Variants in FGF14 observed in about 807,000 individuals in gnomAD.
FGF14 encodes fibroblast growth factor homologous factor 4.
Under a neutral mutation model 25.5 loss-of-function variants are expected in FGF14, and 5 were observed. The ratio of observed to expected loss-of-function variants is 0.20; its 90% confidence interval spans 0.10 to 0.41. FGF14 has a LOEUF of 0.41. Among genes scored for constraint, FGF14 ranks in the 10% least tolerant of loss-of-function variants. The pLI, the probability that FGF14 is intolerant of heterozygous loss-of-function variation, is 1.00. For synonymous variants in FGF14, 138 were observed against 118.3 expected, an observed-to-expected ratio of 1.17 and a Z score of -1.08; for missense variants, 222 against 320.1, an observed-to-expected ratio of 0.69 and a Z score of 2.34.
chr13:102,079,982 G>T lies in FGF14; in HGVS notation c.209-204686C>A, dbSNP rs549492894. Among the ~76,000 whole-genome samples, 3 of 152,292 alleles carry T rather than the reference G, an allele frequency of 2.0e-5. No homozygotes were observed. The East Asian group carries it at 5.8e-4, about 29-fold the overall frequency. Reference sequence around the variant, plus strand: ...GAGACATGGCCAGTAGACTGTAATAGCTGGAGCAGAGTGAGCAAGAGGAAG... The same window carrying T: ...GAGACATGGCCAGTAGACTGTAATATCTGGAGCAGAGTGAGCAAGAGGAAG... On this transcript the variant is annotated intron_variant, in intron 1 of 4. Transcript: ENST00000376131.
intron 1 of FGF14, among the ~76,000 whole-genome samples, chr13:101,996,318 T>C (rs974734538): frequency 2.0e-5 from 3 of 152,096 alleles, no homozygotes; most frequent in African/African-American, 7.2e-5. Context: ...GTGTTGAGCA[T>C]TGTGTTGATG....
intron 1 of FGF14, among the ~76,000 whole-genome samples, chr13:101,980,820 T>C (rs1163081124): frequency 6.6e-6 from 1 of 152,190 alleles, no homozygotes; most frequent in East Asian, 1.9e-4. Context: ...CCAGGTATTA[T>C]GGTCTGAGTT....
At chr13:101,985,401 T>C (rs1388215293) in intron 1 of FGF14, among the ~76,000 whole-genome samples, 1 of 151,994 alleles carries the variant, frequency 6.6e-6, no homozygotes, top group African/African-American at 2.4e-5. Context: ...CTACTAAAAA[T>C]AAAAAAACAT....
rs1486182411 is a variant in FGF14 at position 101,887,647 on chromosome 13, G to A, written c.194-12351C>T. Among the ~76,000 whole-genome samples the A allele has an allele frequency of 2.0e-5, 3 of 152,090 alleles. No homozygotes were observed. The East Asian group carries it at 5.8e-4, about 29-fold the overall frequency. On this transcript the variant is annotated intron_variant, in intron 1 of 4. Transcript: ENST00000376143. ...GGCACAAAAATACAGTTAAATAGAA[G>A]GAATAAGGTCCAGTATTTGATAGCA...
At position 101,901,055 on chromosome 13, in the gene FGF14, G is replaced by A. The variant is rs1594658106; in HGVS notation, c.193+15398C>T. On this transcript the variant is annotated intron_variant, in intron 1 of 4. Transcript: ENST00000376143. ...AAAATAAAAGAAATGCCTTTTAGAG[G>A]AGAAATAAAAGCTAGGAATGGACAG... Among the ~76,000 whole-genome samples the A allele has an allele frequency of 2.0e-5, 3 of 152,202 alleles. No homozygotes were observed. In the South Asian group the frequency reaches 6.2e-4, roughly 32 times the overall value.
rs1244106390 is a variant in FGF14 at position 102,216,473 on chromosome 13, G to A, written c.208+184998C>T. ...ACATCACGCGGTATTCTAAGTAATG[G>A]AGATAAAACATTTTAACAATAGTAA... On this transcript the variant is annotated intron_variant, in intron 1 of 4. Transcript: ENST00000376131. Among the ~76,000 whole-genome samples the A allele has an allele frequency of 2.0e-5, 3 of 152,162 alleles. No individual in the cohort carries two copies. In the East Asian group the frequency reaches 5.8e-4, roughly 29 times the overall value.
intron 1 of FGF14, among the ~76,000 whole-genome samples, chr13:102,167,643 CA>C (rs1328095724): frequency 5.3e-5 from 8 of 151,988 alleles, no homozygotes; most frequent in Non-Finnish European, 1.0e-4. Context: ...GAATAGTTGG[CA>C]AATAGGAAGT....
rs558789708 is a variant in FGF14, at chr13:101,895,052, A to G, written c.194-19756T>C. 4.6e-5 allele frequency among the ~76,000 whole-genome samples: 7 copies of G among 152,276 alleles called. 1 individual carries two copies. In the South Asian group the frequency reaches 1.5e-3, roughly 32 times the overall value. On this transcript the variant is annotated intron_variant, in intron 1 of 4. Coordinates refer to ENST00000376143, the MANE Select transcript of FGF14 (RefSeq NM_004115.4). ...TCATTAAATCTGGAACTCTTAAATT[A>G]TTTGCTGAATATATCCTCAGTAATT...
intron 1 of FGF14, among the ~76,000 whole-genome samples, chr13:102,159,426 A>T (rs1271572259): frequency 6.6e-6 from 1 of 152,200 alleles, no homozygotes; most frequent in Admixed American, 6.5e-5. Flanking sequence ...AAAGTGGAAG[A>T]CAGATGATAG....
chr13:102,126,876 G>C (rs138801765), intron 1 of FGF14, among the ~76,000 whole-genome samples: 1 of 152,290 alleles, frequency 6.6e-6, no homozygotes, highest in Non-Finnish European at 1.5e-5. Context: ...TCTGGTGGTA[G>C]ACGGGATTGG....
At chr13:102,005,496 T>C (rs973579525) in intron 1 of FGF14, among the ~76,000 whole-genome samples, 2 of 152,330 alleles carry the variant, frequency 1.3e-5, no homozygotes, top group South Asian at 4.1e-4. Context: ...CAATATGCTA[T>C]GTATGTTTTT....
chr13:101,991,536 T>C (rs1407729399), intron 1 of FGF14, among the ~76,000 whole-genome samples: 1 of 152,104 alleles, frequency 6.6e-6, no homozygotes, highest in African/African-American at 2.4e-5. Context: ...GTCACTCCCA[T>C]TCTCGTAACA....
At chr13:102,139,598 G>C (rs189029928) in intron 1 of FGF14, among the ~76,000 whole-genome samples, 138 of 152,170 alleles carry the variant, frequency 9.1e-4, no homozygotes, top group Middle Eastern at 3.4e-3. Context: ...TGCTGTGGAG[G>C]GGGGGATGGC....
chr13:101,816,187 A>G lies in FGF14; in HGVS notation c.408+52538T>C, dbSNP rs375615264. 6.8e-4 allele frequency among the ~76,000 whole-genome samples: 101 copies of G among 149,498 alleles called. 1 individual carries two copies. The highest frequency in any genetic ancestry group is 1.9e-3 in the African/African-American group (78 of 40,212). On this transcript the variant is annotated intron_variant, in intron 3 of 4. Transcript: ENST00000376143. Reference sequence around the variant, plus strand: ...TGGGAGGCTGAGGCAGCAGAATGGCATGAACCTGGGAGGCGGAGCTTGCAG... The same window carrying G: ...TGGGAGGCTGAGGCAGCAGAATGGCGTGAACCTGGGAGGCGGAGCTTGCAG...
chr13:101,893,787 C>T (rs544680860), intron 1 of FGF14, among the ~76,000 whole-genome samples: 5 of 152,172 alleles, frequency 3.3e-5, no homozygotes, highest in East Asian at 1.9e-4. Flanking sequence ...GCGAGATCCA[C>T]GTCAGAATTT....
chr13:102,335,511 G>A (rs2138863243), intron 1 of FGF14, among the ~76,000 whole-genome samples: 1 of 151,936 alleles, frequency 6.6e-6, no homozygotes, highest in Non-Finnish European at 1.5e-5. Context: ...ATAAAATATA[G>A]TGAAAACACT....
At chr13:102,047,568 C>T (rs2042039820) in intron 1 of FGF14, among the ~76,000 whole-genome samples, 2 of 152,232 alleles carry the variant, frequency 1.3e-5, no homozygotes, top group East Asian at 3.9e-4. Context: ...TCTCAGCAAA[C>T]TATCGCAAGG....
intron 3 of FGF14, among the ~76,000 whole-genome samples, chr13:101,823,327 C>G (rs2042246555): frequency 6.7e-6 from 1 of 150,266 alleles, no homozygotes; most frequent in South Asian, 2.1e-4. Flanking sequence ...CTCTCTCTCT[C>G]TGTATATGTA....
intron 3 of FGF14, among the ~76,000 whole-genome samples, chr13:101,818,685 T>G (rs2041962070): frequency 6.6e-6 from 1 of 152,156 alleles, no homozygotes; most frequent in South Asian, 2.1e-4. Flanking sequence ...TGTTTCCCAA[T>G]AAATTATCTT....
Sources: allele counts gnomAD v4.1 joint callset (sites outside exome capture counted in the v4.1 genomes callset), GRCh38; gene constraint gnomAD v4.1.1; transcripts MANE v1.5; gene names NCBI Gene and HGNC (gene_info 2026-07-23, HGNC 2026-07-21).